Variants in NDST3 observed in about 807,000 individuals in gnomAD.
NDST3 encodes the protein bifunctional heparan sulfate N-deacetylase/N-sulfotransferase 3.
Under a neutral mutation model 96.1 loss-of-function variants are expected in NDST3, and 58 were observed. The observed-to-expected ratio is 0.60, with a 90% CI of 0.49 to 0.75. The LOEUF is 0.75. Ranked by LOEUF, NDST3 falls within the 30% of genes least tolerant of loss-of-function variation. The pLI is 0.00. For missense variants in NDST3, 788 were observed against 1,034.2 expected (o/e 0.76, Z 3.27); for synonymous variants, 333 against 359.7 (o/e 0.93, Z 0.84).
chr4:118,037,203 GA>G (rs2110418303), intron 1 of NDST3, among the ~76,000 whole-genome samples: 1 of 152,184 alleles, frequency 6.6e-6, no homozygotes, highest in Admixed American at 6.5e-5. Context: ...AGATAGATGA[GA>G]AAACATCAGT....
At chr4:118,094,545 A>C (rs1729136089) in intron 2 of NDST3, among the ~76,000 whole-genome samples, 1 of 151,782 alleles carries the variant, frequency 6.6e-6, no homozygotes, top group South Asian at 2.1e-4. Flanking sequence ...GGTACACTTA[A>C]TGTGTCCTTT....
chr4:118,171,844 T>G (rs548479815), intron 6 of NDST3, among the ~76,000 whole-genome samples: 1 of 152,082 alleles, frequency 6.6e-6, no homozygotes, highest in African/African-American at 2.4e-5. Context: ...TAGGGTTAAG[T>G]AGGGCTTGTT....
intron 8 of NDST3, among the ~76,000 whole-genome samples, chr4:118,230,574 C>CAA (rs552747610): frequency 2.8e-5 from 3 of 106,368 alleles, no homozygotes; most frequent in South Asian, 5.6e-4. Flanking sequence ...GACTCCGTTT[C>CAA]AAAAAAAAAA....
chr4:118,119,562 A>G (rs1253372267), intron 4 of NDST3, among the ~76,000 whole-genome samples: 1 of 152,218 alleles, frequency 6.6e-6, no homozygotes, highest in Non-Finnish European at 1.5e-5. Flanking sequence ...GTTTAGAAAG[A>G]CATTGGCCAT....
At chr4:118,103,485 G>T (rs1248024905) in intron 2 of NDST3, among the ~76,000 whole-genome samples, 2 of 152,098 alleles carry the variant, frequency 1.3e-5, no homozygotes, top group African/African-American at 4.8e-5. Context: ...AAATGTGTGT[G>T]TATTATAATT....
At chr4:118,224,191 A>C (rs1739723221) in intron 6 of NDST3, among the ~76,000 whole-genome samples, 1 of 152,162 alleles carries the variant, frequency 6.6e-6, no homozygotes, top group South Asian at 2.1e-4. Flanking sequence ...GTTGTTATTC[A>C]GCATCAGTCT....
At position 118,054,004 on chromosome 4, in the gene NDST3, T is replaced by C. The variant is rs749853031; in HGVS notation, c.94T>C (p.Tyr32His). 1 of 1,612,842 alleles carries C rather than the reference T, an allele frequency of 6.2e-7. No homozygotes were observed. The highest frequency in any genetic ancestry group is 8.5e-7 in the Non-Finnish European group (1 of 1,179,162). The part of the protein sequence containing the change: ...CMVSIIISAY[Y>H]LYSGYKQENE... The stretch of plus-strand genomic sequence containing the variant: ...GGTGAGCATTATCATTTCTGCTTAC[T>C]ACCTGTACAGTGGCTACAAACAGGA... The change falls in exon 2 of 14, where the codon TAC becomes CAC. Residue 32 changes from tyrosine (Y) to histidine (H), a missense_variant. By Grantham distance (83) the Tyr-to-His change is moderately conservative (BLOSUM62 2). Coordinates refer to ENST00000296499, the MANE Select transcript of NDST3 (RefSeq NM_004784.3).
intron 6 of NDST3, among the ~76,000 whole-genome samples, chr4:118,150,098 G>A (rs368968740): frequency 8.6e-5 from 13 of 151,828 alleles, no homozygotes; most frequent in Non-Finnish European, 1.5e-4. Flanking sequence ...GCATCCCAGG[G>A]ATGAAGCCCA....
At chr4:118,060,253 A>G (rs1219955462) in intron 2 of NDST3, among the ~76,000 whole-genome samples, 1 of 152,078 alleles carries the variant, frequency 6.6e-6, no homozygotes, top group Admixed American at 6.6e-5. Context: ...TTTTGAAGCT[A>G]TGTTAAGTGC....
At chr4:118,115,687 G>A (rs1731027370) in intron 4 of NDST3, among the ~76,000 whole-genome samples, 1 of 152,172 alleles carries the variant, frequency 6.6e-6, no homozygotes. Flanking sequence ...GAAGAAAAAT[G>A]TGCTTGTGAT....
chr4:118,050,227 T>A (rs922410720), intron 1 of NDST3, among the ~76,000 whole-genome samples: 8 of 152,084 alleles, frequency 5.3e-5, no homozygotes, highest in Non-Finnish European at 7.4e-5. Flanking sequence ...TAAAGGAACA[T>A]ATCTTAAAAT....
chr4:118,053,745 C>A lies in NDST3; in HGVS notation c.-155-11C>A. On this transcript the variant is annotated splice_polypyrimidine_tract_variant and intron_variant, in intron 1 of 13. Transcript: ENST00000296499. ...CAAACTGACTGTTTTATATTCTTTT[C>A]TATTTTTCAGACTGTATTTTCTGTG... 1.5e-6 allele frequency: 1 copy of A among 686,082 alleles called. No homozygotes were observed. Among genetic ancestry groups the A allele is most frequent in the Non-Finnish European group, 2.3e-6 (1 of 437,776 alleles). 42.5% of individuals were successfully genotyped at this position (686,082 alleles called of 1,614,324 possible). A position where few individuals can be genotyped will look rare whatever the true frequency, so the allele number is the denominator to read the frequency against.
chr4:118,097,643 C>T (rs1729423378), intron 2 of NDST3, among the ~76,000 whole-genome samples: 1 of 151,822 alleles, frequency 6.6e-6, no homozygotes, highest in Admixed American at 6.6e-5. Flanking sequence ...GTTTGAGAAG[C>T]ACTGATAGGA....
At chr4:118,159,971 A>G (rs1279483240) in intron 6 of NDST3, among the ~76,000 whole-genome samples, 1 of 152,202 alleles carries the variant, frequency 6.6e-6, no homozygotes, top group Non-Finnish European at 1.5e-5. Context: ...CAAAAAGAGA[A>G]GAAAGAGAGA....
At chr4:118,196,200 GGTCATGATGAA>G (rs1737672108) in intron 6 of NDST3, among the ~76,000 whole-genome samples, 1 of 152,092 alleles carries the variant, frequency 6.6e-6, no homozygotes, top group East Asian at 1.9e-4. Flanking sequence ...AATCCCACTT[GGTCATGATGAA>G]TGACCTTTTT....
At chr4:118,255,417 C>A (rs1372280828) in intron 13 of NDST3, among the ~76,000 whole-genome samples, 176 bp from the exon 14 acceptor site, 1 of 140,694 alleles carries the variant, frequency 7.1e-6, no homozygotes, top group African/African-American at 2.6e-5. Flanking sequence ...AAGAAAAATG[C>A]CAGTACCCAA....
chr4:118,115,159 C>T (rs1730984932), intron 4 of NDST3, among the ~76,000 whole-genome samples, 199 bp downstream of exon 4: 2 of 152,082 alleles, frequency 1.3e-5, no homozygotes, highest in South Asian at 4.2e-4. Context: ...TTTGAAGGAT[C>T]TAATTTGAGA....
chr4:118,193,647 C>A, intron 6 of NDST3: 7 of 1,299,878 alleles, frequency 5.4e-6, no homozygotes, highest in South Asian at 3.5e-5. Context: ...AGCTGCAAGA[C>A]CTTCTGGAAG....
chr4:118,142,508 A>T (rs1219138402), intron 5 of NDST3, among the ~76,000 whole-genome samples: 2 of 152,146 alleles, frequency 1.3e-5, no homozygotes, highest in African/African-American at 4.8e-5. Context: ...GGGTTGCAAA[A>T]CATGGGAAGT....
Sources: allele counts gnomAD v4.1 joint callset (sites outside exome capture counted in the v4.1 genomes callset), GRCh38; gene constraint gnomAD v4.1.1; transcripts MANE v1.5; gene names NCBI Gene and HGNC (gene_info 2026-07-23, HGNC 2026-07-21).